The following RYR1 variants were observed in gnomAD, a reference collection of about 807,000 sequenced individuals.
The protein encoded by RYR1 is ryanodine receptor 1.
Under a neutral mutation model 583.5 loss-of-function variants are expected in RYR1, and 342 were observed. The observed-to-expected ratio is 0.59, with a 90% CI of 0.54 to 0.64. The LOEUF (loss-of-function observed/expected upper bound fraction) is 0.64. Among genes scored for constraint, RYR1 ranks in the 30% least tolerant of loss-of-function variants. RYR1 has a pLI of 0.00. For missense variants in RYR1, 6,032 were observed against 6,917.2 expected (o/e 0.87, Z 4.54); for synonymous variants, 2,791 against 2,822.5 (o/e 0.99, Z 0.35).
In RYR1 at chr19:38,499,739, G is replaced by C; in HGVS notation, c.7132G>C (p.Ala2378Pro). 4 of 1,601,788 alleles carry C rather than the reference G, an allele frequency of 2.5e-6. No homozygotes were observed. The highest frequency in any genetic ancestry group is 3.4e-6 in the Non-Finnish European group (4 of 1,179,366). The change falls in exon 44 of 106, where the codon GCT becomes CCT. Residue 2378 changes from alanine to proline, a missense_variant. By Grantham distance (27) the Ala-to-Pro change is conservative. This residue lies in a region of RYR1 where 2,627 missense variants were observed against 2,961.3 expected (regional missense o/e 0.89). Transcript: ENST00000359596. This position sits in a 1 kb window ranked among gnomAD's most constrained non-coding sequence, Gnocchi z 7.3. ...LRGEGGSGLL[A>P]AIEEAIRISE... ...GGGTGAGGGTGGCTCAGGGCTGCTG[G>C]CTGCCATCGAAGAGGCCATCCGCAT...
At chr19:38,584,879 G>C (rs1398678421) in intron 101 of RYR1, 64 bp from the exon 102 acceptor site, 1 of 1,601,526 alleles carries the variant, frequency 6.2e-7, no homozygotes. Context: ...GCCTATCCCG[G>C]GGCCTTGGCT....
intron 19 of RYR1, among the ~76,000 whole-genome samples, chr19:38,459,614 G>C (rs1424936121): frequency 6.6e-6 from 1 of 151,904 alleles, no homozygotes; most frequent in African/African-American, 2.4e-5. Flanking sequence ...ACAACCCAAG[G>C]TTCTTCCGGT....
intron 38 of RYR1, among the ~76,000 whole-genome samples, chr19:38,492,941 A>G (rs1170821670): frequency 2.0e-5 from 3 of 152,054 alleles, no homozygotes; most frequent in Non-Finnish European, 4.4e-5. Context: ...GTGGCGGTGC[A>G]TGCCTGTAAT....
At chr19:38,493,515 CGT>C (rs1491164361) in intron 38 of RYR1, among the ~76,000 whole-genome samples, 10 of 143,072 alleles carry the variant, frequency 7.0e-5, no homozygotes, top group African/African-American at 1.8e-4. Flanking sequence ...TTTTCTTTTT[CGT>C]TTTTTTTTTT....
chr19:38,558,897 C>A (rs1340923531), intron 89 of RYR1, among the ~76,000 whole-genome samples: 1 of 152,198 alleles, frequency 6.6e-6, no homozygotes, highest in African/African-American at 2.4e-5. Flanking sequence ...TCAAGGCCAG[C>A]CTGGCCAACA....
At chr19:38,502,847 G>C (rs1354327042) in intron 48 of RYR1, 33 bp from the exon 49 acceptor site, 2 of 1,598,162 alleles carry the variant, frequency 1.3e-6, no homozygotes, top group South Asian at 2.2e-5. Flanking sequence ...GGGCCTGGAC[G>C]GGGGATTCTA....
At chr19:38,507,641 C>G (rs555179381) in intron 57 of RYR1, 71 bp from the exon 58 acceptor site, 7 of 983,904 alleles carry the variant, frequency 7.1e-6, no homozygotes, top group South Asian at 5.1e-5. Context: ...GGAGCAGAGG[C>G]GGACCTGAGA....
intron 54 of RYR1, 79 bp downstream of exon 54, chr19:38,506,025 G>A (rs2145634588): frequency 6.4e-7 from 1 of 1,570,184 alleles, no homozygotes; most frequent in African/African-American, 1.4e-5. Context: ...AGACAGGGAA[G>A]GGATGGAGAG....
intron 60 of RYR1, among the ~76,000 whole-genome samples, chr19:38,511,176 G>T (rs1970709587): frequency 2.0e-5 from 3 of 152,130 alleles, no homozygotes; most frequent in African/African-American, 7.2e-5. Flanking sequence ...CATGCCTGTA[G>T]TCCCAGCTAC....
At chr19:38,463,568 T>TG (rs1233185782) in intron 21 of RYR1, 41 bp downstream of exon 21, 12 of 1,588,908 alleles carry the variant, frequency 7.6e-6, no homozygotes, top group Non-Finnish European at 1.0e-5. Flanking sequence ...CGGCTAGACT[T>TG]GCGGTGCCAG....
In RYR1 at chr19:38,516,139, G is replaced by C. The variant is rs778874327; in HGVS notation, c.9607G>C (p.Val3203Leu). 1 of 1,552,312 alleles carries C rather than the reference G, an allele frequency of 6.4e-7. No individual in the cohort carries two copies. Among genetic ancestry groups the C allele is most frequent in the Non-Finnish European group, 8.7e-7 (1 of 1,147,972 alleles). The change falls in exon 65 of 106, where the codon GTG (valine) becomes CTG (leucine). Residue 3203 changes from valine to leucine, a missense_variant. Physicochemically the swap from Val to Leu is conservative, Grantham distance 32. Around this residue, in one of 11 missense-constraint regions of RYR1, gnomAD observed 1,493 missense variants for 1,715.5 expected, o/e 0.87. Transcript: ENST00000359596. ...CLARLAAAMP[V>L]AFLEPQLNEY... ...GGCCCGTCTGGCAGCAGCCATGCCG[G>C]TGGCGTTCCTGGAGCCGCAGCTGAA...
At position 38,511,536 on chromosome 19, in the gene RYR1, C is replaced by T. The variant is rs201912985; in HGVS notation, c.9123-25C>T. ...CCTCCTCACTCGCTGTTTCTCCTGC[C>T]TTCTGTCCCTTTCTCTTTCTTCAGC... is the stretch of plus-strand genomic sequence containing the variant. On this transcript the variant is annotated intron_variant, in intron 60 of 105. Coordinates refer to ENST00000359596, the MANE Select transcript of RYR1 (RefSeq NM_000540.3). The T allele has an allele frequency of 4.3e-4, 693 of 1,613,348 alleles. 4 individuals carry two copies. In the African/African-American group the frequency reaches 4.5e-3, roughly 10 times the overall value.
rs868467124 is a variant in RYR1 at position 38,503,126 on chromosome 19, A to G, written c.7926+156A>G. 4.6e-5 allele frequency among the ~76,000 whole-genome samples: 7 copies of G among 152,046 alleles called. 1 individual carries two copies. The South Asian group carries it at 1.2e-3, about 27-fold the overall frequency. On this transcript the variant is annotated intron_variant, in intron 49 of 105. Coordinates refer to ENST00000359596, the MANE Select transcript of RYR1 (RefSeq NM_000540.3). ...CCCGTAGAAATCTCTTAGCATCCTT[A>G]TTTGCATACTAGGATTCCCAGAACA... is the stretch of plus-strand genomic sequence containing the variant.
chr19:38,463,247 C>T (rs1338730066), intron 20 of RYR1, among the ~76,000 whole-genome samples, 176 bp from the exon 21 acceptor site: 2 of 150,586 alleles, frequency 1.3e-5, no homozygotes, highest in East Asian at 2.0e-4. Flanking sequence ...AAGCCCTCAC[C>T]CATCTGAGTG....
intron 89 of RYR1, among the ~76,000 whole-genome samples, chr19:38,549,973 C>G (rs932057857): frequency 1.3e-5 from 2 of 150,412 alleles, no homozygotes; most frequent in African/African-American, 4.9e-5. Context: ...CCAGGCTGGT[C>G]TTGAACTCCT....
intron 11 of RYR1, among the ~76,000 whole-genome samples, chr19:38,449,665 G>A (rs1253784727): frequency 7.9e-5 from 12 of 152,242 alleles, no homozygotes; most frequent in Admixed American, 5.9e-4. Context: ...TGCCTTTAGT[G>A]AAGTACATAG....
Position 38,565,284 on chromosome 19 carries a change from T to C in RYR1, c.12950T>C (p.Val4317Ala). ...GLSYRSLRRRVRRLRRLTARE... is the reference protein window; with the variant it reads ...GLSYRSLRRRARRLRRLTARE... Reference sequence around the variant, plus strand: ...AGCTACCGCAGCCTGCGGCGGCGCGTGCGGCGGCTGCGGCGGCTTACGGCC... The same window carrying C: ...AGCTACCGCAGCCTGCGGCGGCGCGCGCGGCGGCTGCGGCGGCTTACGGCC... Residue 4317 changes from valine (V) to alanine (A), a missense_variant, in exon 91 of 106, where the codon GTG (valine) becomes GCG (alanine). Val to Ala is a moderately conservative substitution (Grantham distance 64). Coordinates refer to ENST00000359596, the MANE Select transcript of RYR1 (RefSeq NM_000540.3). The surrounding 1 kb of genome is among the most constrained non-coding windows in gnomAD (Gnocchi z 4.7). The C allele has an allele frequency of 9.9e-7, 1 of 1,005,712 alleles. No homozygotes were observed. The highest frequency in any genetic ancestry group is 1.2e-6 in the Non-Finnish European group (1 of 845,238). 62.3% of individuals were successfully genotyped at this position (1,005,712 alleles called of 1,614,324 possible).
chr19:38,567,425 C>T (rs1973495636), intron 92 of RYR1, among the ~76,000 whole-genome samples: 1 of 152,220 alleles, frequency 6.6e-6, no homozygotes, highest in South Asian at 2.1e-4. Context: ...CACAGGCCCC[C>T]ATGCCTACTC....
chr19:38,536,784 A>G lies in RYR1; in HGVS notation c.11608+17A>G, dbSNP rs781180238. On this transcript the variant is annotated intron_variant, in intron 83 of 105. Coordinates refer to ENST00000359596, the MANE Select transcript of RYR1 (RefSeq NM_000540.3). Reference sequence around the variant, plus strand: ...GCCAGAACGGTAATTCCCCCAGCCCACCCCCGTGCTGTGCTGCTGTCACCC... The same window carrying G: ...GCCAGAACGGTAATTCCCCCAGCCCGCCCCCGTGCTGTGCTGCTGTCACCC... 6.2e-7 allele frequency: 1 copy of G among 1,607,530 alleles called. No homozygotes were observed. Among genetic ancestry groups the G allele is most frequent in the Non-Finnish European group, 8.5e-7 (1 of 1,177,358 alleles).
Sources: gnomAD v4.1 joint callset for allele counts (sites outside exome capture counted in the v4.1 genomes callset) on GRCh38, gnomAD v4.1.1 for gene constraint, gnomAD v4.1.1 regional missense constraint, Gnocchi (gnomAD v3.1) non-coding constraint, MANE v1.5 for transcripts, NCBI Gene and HGNC (gene_info 2026-07-23, HGNC 2026-07-21) for gene names.